Variants in EFCAB6 observed in about 807,000 individuals in gnomAD.
EFCAB6 encodes the protein EF-hand calcium-binding domain-containing protein 6.
EFCAB6 carries 156 observed loss-of-function variants against 169.8 expected under a neutral mutation model. That is an observed-to-expected ratio of 0.92 (90% confidence interval 0.81 to 1.05). EFCAB6 has a LOEUF of 1.05. Ranked by LOEUF, EFCAB6 falls within the 50% of genes least tolerant of loss-of-function variation. The pLI, the probability that EFCAB6 is intolerant of heterozygous loss-of-function variation, is 0.00. For missense variants in EFCAB6, 1,800 were observed against 1,829.1 expected (o/e 0.98, Z 0.29); for synonymous variants, 698 against 676.4 (o/e 1.03, Z -0.50).
intron 27 of EFCAB6, chr22:43,551,891 G>C (rs2048403533): frequency 6.9e-6 from 1 of 144,434 alleles, no homozygotes; most frequent in Non-Finnish European, 1.5e-5. Flanking sequence ...GCAGTGGTGT[G>C]ATCTCGGCTC....
intron 5 of EFCAB6, among the ~76,000 whole-genome samples, chr22:43,762,338 CTT>C (rs1261673107): frequency 6.6e-6 from 1 of 152,150 alleles, no homozygotes; most frequent in African/African-American, 2.4e-5. Flanking sequence ...GGCTTTGTCT[CTT>C]GTCTCCATAC....
chr22:43,600,915 G>C (rs1032265871), intron 22 of EFCAB6, among the ~76,000 whole-genome samples: 2 of 152,074 alleles, frequency 1.3e-5, no homozygotes, highest in Non-Finnish European at 2.9e-5. Flanking sequence ...CGCCGGCTTC[G>C]GCCTCCCAAA....
At position 43,532,696 on chromosome 22, in the gene EFCAB6, C is replaced by T. The variant is rs528644857; in HGVS notation, c.4234-1732G>A. Among the ~76,000 whole-genome samples the T allele has an allele frequency of 2.8e-4, 42 of 152,186 alleles. No homozygotes were observed. In the South Asian group the frequency reaches 8.7e-3, roughly 32 times the overall value. On this transcript the variant is annotated intron_variant, in intron 30 of 31. Transcript: ENST00000262726. Reference sequence around the variant, plus strand: ...ATTTTGCACAAAATTGCAAAACTAGCTGTGAAGAAACTTTCTGCATGGCAT... The same window carrying T: ...ATTTTGCACAAAATTGCAAAACTAGTTGTGAAGAAACTTTCTGCATGGCAT...
At chr22:43,546,073 CAT>C (rs1472712868) in intron 27 of EFCAB6, among the ~76,000 whole-genome samples, 7 of 152,098 alleles carry the variant, frequency 4.6e-5, no homozygotes, top group East Asian at 3.9e-4. Context: ...TTAAAGTAGA[CAT>C]GTGTATTAAA....
chr22:43,756,287 G>A (rs948544516), intron 5 of EFCAB6, among the ~76,000 whole-genome samples: 3 of 152,142 alleles, frequency 2.0e-5, no homozygotes, highest in African/African-American at 7.2e-5. Flanking sequence ...GGTGCTCTGG[G>A]TTCAGATCCA....
intron 31 of EFCAB6, 197 bp downstream of exon 31, chr22:43,530,618 G>A: frequency 1.0e-6 from 1 of 985,450 alleles, no homozygotes; most frequent in South Asian, 4.7e-5. Context: ...CCTTTGGGAA[G>A]GAGAACCCGG....
chr22:43,636,248 C>T (rs956260616), intron 17 of EFCAB6, among the ~76,000 whole-genome samples: 4 of 145,470 alleles, frequency 2.7e-5, no homozygotes, highest in Non-Finnish European at 5.9e-5. Context: ...ACAAAGTCAA[C>T]AGATGTCACC....
At chr22:43,671,466 A>G (rs1238795240) in intron 15 of EFCAB6, among the ~76,000 whole-genome samples, 1 of 152,226 alleles carries the variant, frequency 6.6e-6, no homozygotes, top group East Asian at 1.9e-4. Flanking sequence ...TTTTAAAACG[A>G]CATGAAACTC....
At chr22:43,747,296 A>G (rs2060599587) in intron 6 of EFCAB6, among the ~76,000 whole-genome samples, 3 of 152,230 alleles carry the variant, frequency 2.0e-5, no homozygotes, top group Admixed American at 6.5e-5. Context: ...GGCTGGCTGC[A>G]GCAACATTCA....
At position 43,772,924 on chromosome 22, in the gene EFCAB6, T is replaced by A; in HGVS notation, c.319A>T (p.Thr107Ser). The A allele has an allele frequency of 1.2e-6, 2 of 1,614,226 alleles. No homozygotes were observed. Among genetic ancestry groups the A allele is most frequent in the Non-Finnish European group, 1.7e-6 (2 of 1,180,038 alleles). Residue 107 changes from threonine (T) to serine (S), a missense_variant, in exon 4 of 32, where the codon ACA becomes TCA. Physicochemically the swap from Thr to Ser is moderately conservative, Grantham distance 58 (BLOSUM62 1). Coordinates refer to ENST00000262726, the MANE Select transcript of EFCAB6 (RefSeq NM_022785.4). ...RIITDFLMPLTREQFQDVLAQ... is the reference protein window; with the variant it reads ...RIITDFLMPLSREQFQDVLAQ... ...AACACGTCCTGAAACTGTTCTCGTGTGAGCGGCATCAGGAAGTCTGTGATG... is the reference window on the plus strand; with the variant it reads ...AACACGTCCTGAAACTGTTCTCGTGAGAGCGGCATCAGGAAGTCTGTGATG...
chr22:43,625,167 C>T (rs917279792), intron 20 of EFCAB6, among the ~76,000 whole-genome samples: 2 of 152,064 alleles, frequency 1.3e-5, no homozygotes, highest in African/African-American at 4.8e-5. Context: ...GGGCCTTCTG[C>T]AGCCTAGCCA....
chr22:43,684,344 AC>A (rs1414056354), intron 11 of EFCAB6, among the ~76,000 whole-genome samples: 1 of 151,794 alleles, frequency 6.6e-6, no homozygotes, highest in African/African-American at 2.4e-5. Flanking sequence ...ACGTTGTCAG[AC>A]CCCCTTTCCC....
chr22:43,720,405 G>C (rs541884730), intron 8 of EFCAB6, among the ~76,000 whole-genome samples: 2 of 151,916 alleles, frequency 1.3e-5, no homozygotes, highest in Admixed American at 6.6e-5. Context: ...CAAGCTACTC[G>C]GGAGGCTGAG....
Position 43,540,179 on chromosome 22 carries a change from G to A in EFCAB6, c.3827C>T (p.Ser1276Leu), listed in dbSNP as rs545343797. The A allele has an allele frequency of 4.3e-6, 7 of 1,614,226 alleles. No individual in the cohort carries two copies. The highest frequency in any genetic ancestry group is 1.3e-5 in the African/African-American group (1 of 75,058). Residue 1276 changes from serine (S) to leucine (L), a missense_variant, in exon 28 of 32, where the codon TCA becomes TTA. Ser to Leu is a moderately radical substitution (Grantham distance 145). Transcript: ENST00000262726. Reference protein sequence around the residue: ...DVSEGTRSALSLPTQELRPGS... With the variant: ...DVSEGTRSALLLPTQELRPGS... Reference sequence around the variant, plus strand: ...TGGTCTCAGCTCCTGAGTGGGCAATGAGAGGGCAGATCTGGTGCCTTCCGA... The same window carrying A: ...TGGTCTCAGCTCCTGAGTGGGCAATAAGAGGGCAGATCTGGTGCCTTCCGA...
At chr22:43,595,679 C>T (rs1007562738) in intron 23 of EFCAB6, among the ~76,000 whole-genome samples, 1 of 152,126 alleles carries the variant, frequency 6.6e-6, no homozygotes, top group Non-Finnish European at 1.5e-5. Flanking sequence ...TAGAGAAGAA[C>T]TAATACCAAC....
chr22:43,728,696 T>C (rs1483042455), intron 8 of EFCAB6, among the ~76,000 whole-genome samples: 2 of 152,236 alleles, frequency 1.3e-5, no homozygotes, highest in African/African-American at 4.8e-5. Flanking sequence ...GTTTGTTGGC[T>C]GCATAAATGT....
intron 17 of EFCAB6, among the ~76,000 whole-genome samples, chr22:43,660,226 G>A (rs376982819): frequency 2.0e-3 from 304 of 152,318 alleles, no homozygotes; most frequent in African/African-American, 7.1e-3. Flanking sequence ...CTTAGCCCAT[G>A]TGTCGTTGGG....
chr22:43,684,050 T>C (rs923385800), intron 11 of EFCAB6, among the ~76,000 whole-genome samples, 195 bp from the exon 12 acceptor site: 3 of 152,178 alleles, frequency 2.0e-5, no homozygotes, highest in African/African-American at 4.8e-5. Flanking sequence ...ATGCCACGAA[T>C]GCAGGGTGAG....
intron 2 of EFCAB6, among the ~76,000 whole-genome samples, chr22:43,783,996 G>A (rs894224714): frequency 6.6e-6 from 1 of 152,166 alleles, no homozygotes; most frequent in Non-Finnish European, 1.5e-5. Context: ...TTGAACCTGA[G>A]AGGTTGAGGC....
Sources: gnomAD v4.1 joint callset for allele counts (sites outside exome capture counted in the v4.1 genomes callset) on GRCh38, gnomAD v4.1.1 for gene constraint, MANE v1.5 for transcripts, NCBI Gene and HGNC (gene_info 2026-07-23, HGNC 2026-07-21) for gene names.